The following PUSL1 variants were observed in gnomAD, a reference collection of about 807,000 sequenced individuals.
The protein encoded by PUSL1 is pseudouridine synthase like 1.
In PUSL1, 51 loss-of-function variants were observed where a neutral mutation model predicts 30.7. The ratio of observed to expected loss-of-function variants is 1.66; its 90% CI spans 1.33 to 2.10. The LOEUF (loss-of-function observed/expected upper bound fraction) is 2.10. Among genes scored for constraint, PUSL1 ranks in the 30% most tolerant of loss-of-function variants. The pLI, the probability that PUSL1 is intolerant of heterozygous loss-of-function variation, is 0.00. For missense variants in PUSL1, 609 were observed against 427.6 expected (o/e 1.42, Z -3.74); for synonymous variants, 290 against 192.1 (o/e 1.51, Z -4.21).
At position 1,309,157 on chromosome 1, in the gene PUSL1, C is replaced by T; in HGVS notation, c.207C>T (p.Val69=). 1 of 1,535,426 alleles carries T rather than the reference C, an allele frequency of 6.5e-7. No homozygotes were observed. ...TCTCCAGCCGCACGGACGCCGGGGT[C>T]CACGCCCTGAGCAACGCGGCGCACC... ...FTISSRTDAG[V]HALSNAAHLD... is the part of the protein sequence containing the mutation. The change falls in exon 3 of 8, where the codon GTC becomes GTT. Residue 69 remains valine (V), a synonymous_variant. Transcript: ENST00000379031.
At position 1,308,715 on chromosome 1, in the gene PUSL1, C is replaced by A; in HGVS notation, c.72C>A (p.Asp24Glu). The A allele has an allele frequency of 6.4e-7, 1 of 1,553,592 alleles. No individual in the cohort carries two copies. The highest frequency in any genetic ancestry group is 1.9e-5 in the Admixed American group (1 of 53,016). ...YLVYFQYVGT[D>E]FNGVAAVRGT... is the part of the protein sequence containing the mutation. ...TGTACTTCCAGTACGTGGGCACCGACTTTAAGTAGGTTTCCCAGGCGCAGC... is the reference window on the plus strand; with the variant it reads ...TGTACTTCCAGTACGTGGGCACCGAATTTAAGTAGGTTTCCCAGGCGCAGC... Residue 24 changes from aspartate (D) to glutamate (E), a missense_variant, in exon 1 of 8, where the codon GAC becomes GAA. Transcript: ENST00000379031.
rs369638348 is a variant in PUSL1 at position 1,310,900 on chromosome 1, G to A, written c.700-9G>A. On this transcript the variant is annotated splice_polypyrimidine_tract_variant and intron_variant, in intron 6 of 7. Transcript: ENST00000379031. ...GCGGCTCTGGGTCACAGGTGGCTCT[G>A]GGTCACAGGTACGGAGGATGACGGC... 2.5e-6 allele frequency: 4 copies of A among 1,611,820 alleles called. No individual in the cohort carries two copies. The African/African-American group carries it at 5.4e-5, about 22-fold the overall frequency.
At chr1:1,310,868 G>A in intron 6 of PUSL1, 41 bp from the exon 7 acceptor site, 1 of 1,509,052 alleles carries the variant, frequency 6.6e-7, no homozygotes, top group Non-Finnish European at 9.2e-7. Context: ...GTGCTGGTGG[G>A]TCACGGGCGG....
At chr1:1,310,105 T>C (rs1280598695) in intron 5 of PUSL1, 1 of 510,828 alleles carries the variant, frequency 2.0e-6, no homozygotes. Context: ...TGGAAGAATG[T>C]TGGCAGCTAC....
At chr1:1,309,312 C>T (rs1289984075) in intron 3 of PUSL1, 39 bp downstream of exon 3, 3 of 1,456,256 alleles carry the variant, frequency 2.1e-6, no homozygotes, top group African/African-American at 2.8e-5. Context: ...GCTGTGCCTT[C>T]CCGACTCCAT....
rs1278383675 is a variant in PUSL1, at chr1:1,309,371, G to C, written c.324-83G>C. ...TCTGGACAGACTTCCTTGTCTGGTC[G>C]GAGCTCGAGGGGGAAGGAGAGCCAA... On this transcript the variant is annotated intron_variant, in intron 3 of 7. Transcript: ENST00000379031. 3 of 1,482,664 alleles carry C rather than the reference G, an allele frequency of 2.0e-6. No individual in the cohort carries two copies. In the African/African-American group the frequency reaches 4.2e-5, roughly 21 times the overall value. The allele number at this position is 1,482,664 out of a possible 1,614,324, so 91.8% of individuals were successfully genotyped here.
rs1337239981 is a variant in PUSL1 at position 1,309,184 on chromosome 1, G to T, written c.234G>T (p.Leu78=). The T allele has an allele frequency of 1.3e-6, 2 of 1,542,722 alleles. No homozygotes were observed. Among genetic ancestry groups the T allele is most frequent in the Non-Finnish European group, 1.7e-6 (2 of 1,153,032 alleles). Residue 78 remains leucine, a synonymous_variant, in exon 3 of 8, where the codon CTG becomes CTT. Transcript: ENST00000379031. The part of the protein sequence containing the change: ...GVHALSNAAH[L]DVQRRSGRPP... The stretch of plus-strand genomic sequence containing the variant: ...ACGCCCTGAGCAACGCGGCGCACCT[G>T]GACGTCCAGCGCCGCTCAGGCCGGC...
chr1:1,310,497 G>A, intron 5 of PUSL1, 137 bp from the exon 6 acceptor site: 1 of 706,104 alleles, frequency 1.4e-6, no homozygotes, highest in Non-Finnish European at 2.5e-6. Flanking sequence ...AGATCAGCCA[G>A]GGCCCCTGGT....
chr1:1,309,052 G>A, intron 2 of PUSL1, 34 bp from the exon 3 acceptor site: 3 of 1,402,292 alleles, frequency 2.1e-6, no homozygotes, highest in African/African-American at 1.5e-5. Context: ...GTCCGGCCTC[G>A]CTCACCCGCC....
chr1:1,309,644 G>A (rs369193414), intron 4 of PUSL1, 37 bp from the exon 5 acceptor site: 3 of 1,596,334 alleles, frequency 1.9e-6, no homozygotes, highest in Non-Finnish European at 2.6e-6. Flanking sequence ...CGGGCAGGCC[G>A]GCCCCACCCT....
At chr1:1,311,183 C>A in intron 7 of PUSL1, 112 bp downstream of exon 7, 1 of 1,449,508 alleles carries the variant, frequency 6.9e-7, no homozygotes. Context: ...GGTGAAGCAG[C>A]CCCCCGCCCA....
At chr1:1,310,342 GCA>G (rs1304571333) in intron 5 of PUSL1, 1 of 445,420 alleles carries the variant, frequency 2.2e-6, no homozygotes, top group African/African-American at 2.0e-5. Flanking sequence ...CCCAGACCCT[GCA>G]CCAGGACCCT....
In PUSL1 at chr1:1,310,638, C is replaced by G. The variant is rs79155839; in HGVS notation, c.649C>G (p.Leu217Val). ...PLVTPEESRKLRFWNLEFESQ... is the reference protein window; with the variant it reads ...PLVTPEESRKVRFWNLEFESQ... ...TACAGGTACGTATTTTTCCAGGAAG[C>G]TGCGGTTCTGGAACCTGGAGTTTGA... Residue 217 changes from leucine (L) to valine (V), a missense_variant, in exon 6 of 8, where the codon CTG becomes GTG. By Grantham distance (32) the Leu-to-Val change is conservative. Coordinates refer to ENST00000379031, the MANE Select transcript of PUSL1 (RefSeq NM_153339.3). The G allele has an allele frequency of 1.8e-4, 290 of 1,568,566 alleles. 2 individuals carry two copies. In the East Asian group the frequency reaches 6.2e-3, roughly 34 times the overall value.
Position 1,311,070 on chromosome 1 carries a change from C to T in PUSL1, c.861C>T (p.Leu287=), listed in dbSNP as rs200714562. The change falls in exon 7 of 8, where the codon CTC becomes CTT. Residue 287 remains leucine, a splice_region_variant and synonymous_variant. Transcript: ENST00000379031. ...LFLKSVLYGN[L]GAASCTLQGP... is the part of the protein sequence containing the mutation. ...TCAAGTCAGTGCTGTACGGGAACCT[C>T]GGTAAGAAAAACAGGCACGAGAAGC... The T allele has an allele frequency of 7.5e-5, 120 of 1,595,200 alleles. 1 individual carries two copies. In the South Asian group the frequency reaches 7.7e-4, roughly 10 times the overall value.
At chr1:1,311,201 A>G (rs946962582) in intron 7 of PUSL1, 129 bp from the exon 8 acceptor site, 115 of 1,411,302 alleles carry the variant, frequency 8.1e-5, no homozygotes, top group Middle Eastern at 5.5e-4. Flanking sequence ...CCAGGGCTGC[A>G]GTCCCTCAGG....
In PUSL1 at chr1:1,311,672, C is replaced by T. The variant is rs765171413; in HGVS notation, c.*293C>T. The T allele has an allele frequency of 5.6e-6, 4 of 719,016 alleles. No individual in the cohort carries two copies. Among genetic ancestry groups the T allele is most frequent in the Non-Finnish European group, 9.8e-6 (4 of 409,530 alleles). 44.5% of individuals were successfully genotyped at this position (719,016 alleles called of 1,614,324 possible). On this transcript the variant is annotated 3_prime_UTR_variant, in exon 8 of 8. Transcript: ENST00000379031. The stretch of plus-strand genomic sequence containing the variant: ...CTAACCAGGAATAAAGGCAAGACAG[C>T]CTGGAGACCAGTTTGTTTCTTCAGC...
chr1:1,309,251 C>T lies in PUSL1; in HGVS notation c.301C>T (p.His101Tyr), dbSNP rs1246553420. Reference sequence around the variant, plus strand: ...GGTCCTGGCCGAGGCCCTCAACACACACCTGCGGCACCCGGCCATCAGGTG... The same window carrying T: ...GGTCCTGGCCGAGGCCCTCAACACATACCTGCGGCACCCGGCCATCAGGTG... ...PEVLAEALNT[H>Y]LRHPAIRVLR... Residue 101 changes from histidine (H) to tyrosine (Y), a missense_variant, in exon 3 of 8, where the codon CAC (histidine) becomes TAC (tyrosine). Coordinates refer to ENST00000379031, the MANE Select transcript of PUSL1 (RefSeq NM_153339.3). The T allele has an allele frequency of 6.0e-6, 9 of 1,492,864 alleles. No individual in the cohort carries two copies. Among genetic ancestry groups the T allele is most frequent in the African/African-American group, 2.8e-5 (2 of 72,020 alleles). The allele number at this position is 1,492,864 out of a possible 1,614,324, so 92.5% of individuals were successfully genotyped here.
chr1:1,308,938 C>T lies in PUSL1; in HGVS notation c.101C>T (p.Thr34Ile). 1.4e-6 allele frequency: 2 copies of T among 1,421,178 alleles called. No homozygotes were observed. The highest frequency in any genetic ancestry group is 1.6e-5 in the South Asian group (1 of 63,774). 88.0% of individuals were successfully genotyped at this position (1,421,178 alleles called of 1,614,324 possible). A position where few individuals can be genotyped will look rare whatever the true frequency, so the allele number is the denominator to read the frequency against. Residue 34 changes from threonine to isoleucine, a missense_variant, in exon 2 of 8, where the codon ACT (threonine) becomes ATT (isoleucine). Transcript: ENST00000379031. The part of the protein sequence containing the change: ...DFNGVAAVRG[T>I]QRAVGVQNYL... The stretch of plus-strand genomic sequence containing the variant: ...AGCGGGGTCGCGGCCGTCAGGGGCA[C>T]TCAGCGCGCCGTCGGGGTCCAGAAC...
chr1:1,308,658 G>C lies in PUSL1; in HGVS notation c.15G>C (p.Pro5=). MSSA[P]ASGSVRARYL... ...TGGGCTCCGCCATGAGTTCGGCGCC[G>C]GCCTCAGGCTCCGTGCGCGCGCGCT... Residue 5 remains proline, a synonymous_variant, in exon 1 of 8, where the codon CCG becomes CCC. Coordinates refer to ENST00000379031, the MANE Select transcript of PUSL1 (RefSeq NM_153339.3). 1.3e-6 allele frequency: 2 copies of C among 1,530,832 alleles called. No individual in the cohort carries two copies. The highest frequency in any genetic ancestry group is 1.7e-6 in the Non-Finnish European group (2 of 1,143,244). 94.8% of individuals were successfully genotyped at this position (1,530,832 alleles called of 1,614,324 possible). A position where few individuals can be genotyped will look rare whatever the true frequency, so the allele number is the denominator to read the frequency against.
Sources: gnomAD v4.1 joint callset for allele counts on GRCh38, gnomAD v4.1.1 for gene constraint, MANE v1.5 for transcripts, NCBI Gene and HGNC (gene_info 2026-07-23, HGNC 2026-07-21) for gene names.